The following OTOF variants were observed in gnomAD, a reference collection of about 807,000 sequenced individuals.
OTOF encodes the protein fer-1-like family member 2.
Under a neutral mutation model 236.8 loss-of-function variants are expected in OTOF, and 218 were observed. The ratio of observed to expected loss-of-function variants is 0.92; its 90% CI spans 0.82 to 1.03. OTOF has a LOEUF of 1.03. Ranked by LOEUF, OTOF falls within the 50% of genes least tolerant of loss-of-function variation. The probability of loss-of-function intolerance (pLI) is 0.00; values close to 1 mark genes in which losing one functional copy is unlikely to be tolerated. For missense variants in OTOF, 2,590 were observed against 2,694.4 expected (o/e 0.96, Z 0.86); for synonymous variants, 1,041 against 1,072.5 (o/e 0.97, Z 0.57).
In OTOF at chr2:26,477,991, G is replaced by A. The variant is rs1460225962; in HGVS notation, c.2215-242C>T. ...TCCTGAAGGAAGAAGCCACCTCTGG[G>A]CTGTGAGTCTGTGGCTCTGGTGAGC... On this transcript the variant is annotated intron_variant, in intron 18 of 46. Transcript: ENST00000272371. This position sits in a 1 kb window ranked among gnomAD's most constrained non-coding sequence, Gnocchi z 4.7. 19 of 1,456,918 alleles carry A rather than the reference G, an allele frequency of 1.3e-5. No homozygotes were observed. The highest frequency in any genetic ancestry group is 2.7e-5 in the Admixed American group (1 of 36,990). The allele number at this position is 1,456,918 out of a possible 1,614,324, so 90.2% of individuals were successfully genotyped here.
rs1558509939 is a variant in OTOF, at chr2:26,516,510, AAG to A, written c.415_416del (p.Leu139SerfsTer57). 1 of 1,613,592 alleles carries A rather than the reference AAG, an allele frequency of 6.2e-7. No homozygotes were observed. Among genetic ancestry groups the A allele is most frequent in the South Asian group, 1.1e-5 (1 of 91,080 alleles). On this transcript the variant is annotated frameshift_variant, in exon 5 of 47. Coordinates refer to ENST00000272371, the MANE Select transcript of OTOF (RefSeq NM_194248.3). LOFTEE classifies it high-confidence loss of function. The part of the protein sequence containing the change: ...DDGDFLGDES[L>X]QEEEKDSQET... ...CTTGGCTGTCCTTCTCTTCCTCTTG[AAG>A]AGACTCATCTCCCAGGAAGTCCCCA... is the stretch of plus-strand genomic sequence containing the variant.
chr2:26,477,803 C>T lies in OTOF; in HGVS notation c.2215-54G>A. ...GGCCACAGCCCCGCCTCCCCAGCCT[C>T]CCCAAATGCCTCCTCCCTGTTGATC... is the stretch of plus-strand genomic sequence containing the variant. On this transcript the variant is annotated intron_variant, in intron 18 of 46. Coordinates refer to ENST00000272371, the MANE Select transcript of OTOF (RefSeq NM_194248.3). This position sits in a 1 kb window ranked among gnomAD's most constrained non-coding sequence, Gnocchi z 4.7. 6.2e-7 allele frequency: 1 copy of T among 1,602,946 alleles called. No homozygotes were observed. Among genetic ancestry groups the T allele is most frequent in the Non-Finnish European group, 8.5e-7 (1 of 1,175,116 alleles).
intron 32 of OTOF, 127 bp from the exon 33 acceptor site, chr2:26,468,601 A>T (rs146193238): frequency 2.6e-6 from 2 of 781,716 alleles, no homozygotes; most frequent in Non-Finnish European, 4.7e-6. Flanking sequence ...CTGCATTTCA[A>T]GTCCACCATG....
At chr2:26,491,058 A>G (rs1339339146) in intron 9 of OTOF, among the ~76,000 whole-genome samples, 2 of 152,078 alleles carry the variant, frequency 1.3e-5, no homozygotes, top group South Asian at 2.1e-4. Context: ...AAGCAGGCCC[A>G]GGTCAGGGCT....
rs1247831393 is a variant in OTOF, at chr2:26,484,487, C to T, written c.1192G>A (p.Asp398Asn). 6.2e-7 allele frequency: 1 copy of T among 1,613,940 alleles called. No homozygotes were observed. The highest frequency in any genetic ancestry group is 1.3e-5 in the African/African-American group (1 of 74,940). Residue 398 changes from aspartate to asparagine, a missense_variant, in exon 12 of 47, where the codon GAT becomes AAT. This residue lies in a region of OTOF where 1,379 missense variants were observed against 1,341.6 expected (regional missense o/e 1.03). Transcript: ENST00000272371. ...TPHKANETDE[D>N]DIEGNLLLPE... is the part of the protein sequence containing the mutation. ...GCTGGGCCTCACCCCTCAATGTCAT[C>T]TTCGTCGGTCTCATTGGCCTTGTGG...
rs774003632 is a variant in OTOF, at chr2:26,489,642, AGT to A, written c.960+34_960+35del. The A allele has an allele frequency of 3.8e-6, 6 of 1,565,168 alleles. No homozygotes were observed. The African/African-American group carries it at 8.1e-5, about 21-fold the overall frequency. On this transcript the variant is annotated intron_variant, in intron 10 of 46. Coordinates refer to ENST00000272371, the MANE Select transcript of OTOF (RefSeq NM_194248.3). ...TCTGCACAAAGGTGCAGTTTGAGGGAGTGGCCCTGCCGGCCAGGGGCTGCTCC... is the reference window on the plus strand; with the variant it reads ...TCTGCACAAAGGTGCAGTTTGAGGGAGGCCCTGCCGGCCAGGGGCTGCTCC...
intron 1 of OTOF, among the ~76,000 whole-genome samples, chr2:26,547,331 A>G (rs1667357256): frequency 6.6e-6 from 1 of 151,796 alleles, no homozygotes; most frequent in South Asian, 2.1e-4. Context: ...ACTTGTCATG[A>G]TGTGTTATTC....
chr2:26,513,246 G>C (rs1374672611), intron 5 of OTOF, among the ~76,000 whole-genome samples: 1 of 152,168 alleles, frequency 6.6e-6, no homozygotes, highest in Non-Finnish European at 1.5e-5. Flanking sequence ...AGCAGCTGAG[G>C]CCTGAGGTCC....
Position 26,477,678 on chromosome 2 carries a change from G to C in OTOF, c.2286C>G (p.Gly762=), listed in dbSNP as rs776939970. 1 of 1,612,408 alleles carries C rather than the reference G, an allele frequency of 6.2e-7. No homozygotes were observed. Among genetic ancestry groups the C allele is most frequent in the African/African-American group, 1.3e-5 (1 of 75,030 alleles). The change falls in exon 19 of 47, where the codon GGC becomes GGG. Residue 762 remains glycine (G), a synonymous_variant. Transcript: ENST00000272371. This position sits in a 1 kb window ranked among gnomAD's most constrained non-coding sequence, Gnocchi z 4.7. The part of the protein sequence containing the change: ...EKSYPERRLR[G]VLEELSCGCC... The stretch of plus-strand genomic sequence containing the variant: ...AGCCACAGCTCAGCTCCTCCAGGAC[G>C]CCCCGCAGGCGACGCTCAGGGTAGG...
At chr2:26,469,600 C>T (rs770047737) in intron 32 of OTOF, among the ~76,000 whole-genome samples, 3 of 152,194 alleles carry the variant, frequency 2.0e-5, no homozygotes, top group Non-Finnish European at 4.4e-5. Context: ...CCTTCCTGTG[C>T]ACTTGAATTA....
chr2:26,520,681 TG>T (rs1193149357), intron 3 of OTOF, among the ~76,000 whole-genome samples: 11 of 152,228 alleles, frequency 7.2e-5, no homozygotes, highest in Non-Finnish European at 1.3e-4. Flanking sequence ...AGTGCTGGGC[TG>T]GGGGCCAGGA....
Position 26,527,866 on chromosome 2 carries a change from G to A in OTOF, c.193C>T (p.Gln65Ter). ...SIDRNEMLEI[Q>*]VFNYSKVFSN... ...AAGACTTTGCTGTAGTTGAAAACCT[G>A]AATCTCCAGCATCTCATTTCTGTCG... Residue 65 changes from glutamine (Q) to a stop codon, truncating the protein, a stop_gained, in exon 3 of 47, where the codon CAG (glutamine) becomes TAG (stop). Transcript: ENST00000272371. LOFTEE classifies it high-confidence loss of function. 1 of 1,614,042 alleles carries A rather than the reference G, an allele frequency of 6.2e-7. No individual in the cohort carries two copies. The highest frequency in any genetic ancestry group is 8.5e-7 in the Non-Finnish European group (1 of 1,179,922).
chr2:26,508,159 C>T lies in OTOF; in HGVS notation c.510-4314G>A, dbSNP rs558183990. Reference sequence around the variant, plus strand: ...TGGCTTCAACTGGAACTACTAGGCTCATTAGCTCAGGCCTCAGGTAATCAA... The same window carrying T: ...TGGCTTCAACTGGAACTACTAGGCTTATTAGCTCAGGCCTCAGGTAATCAA... On this transcript the variant is annotated intron_variant, in intron 5 of 46. Coordinates refer to ENST00000272371, the MANE Select transcript of OTOF (RefSeq NM_194248.3). Among the ~76,000 whole-genome samples, 16 of 152,306 alleles carry T rather than the reference C, an allele frequency of 1.1e-4. No individual in the cohort carries two copies. The East Asian group carries it at 1.4e-3, about 13-fold the overall frequency.
intron 1 of OTOF, among the ~76,000 whole-genome samples, chr2:26,551,270 C>T (rs551210501): frequency 2.0e-5 from 3 of 152,236 alleles, no homozygotes; most frequent in African/African-American, 4.8e-5. Flanking sequence ...GGATTACAGG[C>T]GTGAGCCACC....
At chr2:26,555,516 G>A (rs1667563566) in intron 1 of OTOF, among the ~76,000 whole-genome samples, 1 of 152,224 alleles carries the variant, frequency 6.6e-6, no homozygotes, top group Admixed American at 6.5e-5. Context: ...TACAGAACTG[G>A]CTGGGAGCAC....
intron 1 of OTOF, among the ~76,000 whole-genome samples, chr2:26,544,022 G>A (rs570610559): frequency 6.6e-6 from 1 of 152,196 alleles, no homozygotes; most frequent in Non-Finnish European, 1.5e-5. Context: ...CGCCCAGCTT[G>A]CTTGTCCTTT....
At chr2:26,531,093 A>T (rs1183172876) in intron 2 of OTOF, among the ~76,000 whole-genome samples, 3 of 152,038 alleles carry the variant, frequency 2.0e-5, no homozygotes, top group Non-Finnish European at 4.4e-5. Context: ...TCCCCTTCCT[A>T]GCACCCAGAG....
At chr2:26,548,008 G>A (rs115745777) in intron 1 of OTOF, among the ~76,000 whole-genome samples, 2 of 152,006 alleles carry the variant, frequency 1.3e-5, no homozygotes, top group Non-Finnish European at 2.9e-5. Context: ...TTTTCTGTCA[G>A]TTTTGGTAAG....
In OTOF at chr2:26,473,916, G is replaced by A. The variant is rs998281566; in HGVS notation, c.3408+75C>T. ...CTCCTGGTGATGGTGGTGGGAGGGG[G>A]ATGACAAGCCACTTCCCCTCCTGGG... On this transcript the variant is annotated intron_variant, in intron 27 of 46. Transcript: ENST00000272371. This position sits in a 1 kb window ranked among gnomAD's most constrained non-coding sequence, Gnocchi z 7.2. 1.3e-5 allele frequency: 21 copies of A among 1,576,170 alleles called. No homozygotes were observed. In the African/African-American group the frequency reaches 2.6e-4, roughly 19 times the overall value.
Sources: allele counts gnomAD v4.1 joint callset (sites outside exome capture counted in the v4.1 genomes callset), GRCh38; gene constraint gnomAD v4.1.1; regional missense constraint gnomAD v4.1.1; non-coding constraint Gnocchi (gnomAD v3.1); transcripts MANE v1.5; gene names NCBI Gene and HGNC (gene_info 2026-07-23, HGNC 2026-07-21).